The following ZSCAN20 variants were observed in gnomAD, a reference collection of about 807,000 sequenced individuals.
ZSCAN20 encodes the protein zinc finger and SCAN domain containing 20.
A neutral mutation model predicts 97.1 loss-of-function variants in ZSCAN20; 39 were observed. That is an observed-to-expected ratio of 0.40 (90% CI 0.31 to 0.52). ZSCAN20 has a LOEUF of 0.52. Among genes scored for constraint, ZSCAN20 ranks in the 20% least tolerant of loss-of-function variants. The pLI, the probability that ZSCAN20 is intolerant of heterozygous loss-of-function variation, is 0.49. For missense variants in ZSCAN20, 1,115 were observed against 1,290.4 expected (o/e 0.86, Z 2.08); for synonymous variants, 456 against 467.3 (o/e 0.98, Z 0.31).
rs1652969463 is a variant in ZSCAN20 at position 33,499,000 on chromosome 1, C to T, written c.*3524C>T. 6.6e-6 allele frequency among the ~76,000 whole-genome samples: 1 copy of T among 152,224 alleles called. No homozygotes were observed. Among genetic ancestry groups the T allele is most frequent in the Admixed American group, 6.5e-5 (1 of 15,282 alleles). On this transcript the variant is annotated 3_prime_UTR_variant, in exon 8 of 8. Coordinates refer to ENST00000684572, the MANE Select transcript of ZSCAN20 (RefSeq NM_001377376.1). ...GTCATGGCTGCCTTGGCCTTATTGT[C>T]CACTGTAGCCTCCTCCCAGAAGCCG... is the stretch of plus-strand genomic sequence containing the variant.
intron 1 of ZSCAN20, among the ~76,000 whole-genome samples, chr1:33,476,622 T>C (rs1302851535): frequency 1.3e-5 from 2 of 152,228 alleles, no homozygotes; most frequent in Non-Finnish European, 2.9e-5. Flanking sequence ...CCAAACAGGG[T>C]ATAGCTGGTA....
chr1:33,482,296 A>T (rs1652184974), intron 2 of ZSCAN20, among the ~76,000 whole-genome samples: 2 of 152,202 alleles, frequency 1.3e-5, no homozygotes, highest in South Asian at 4.1e-4. Flanking sequence ...GCCTTTTAAA[A>T]AATGTTACAT....
In ZSCAN20 at chr1:33,486,245, T is replaced by C. The variant is rs112662041; in HGVS notation, c.418-2220T>C. On this transcript the variant is annotated intron_variant, in intron 2 of 7. Coordinates refer to ENST00000684572, the MANE Select transcript of ZSCAN20 (RefSeq NM_001377376.1). ...CTCCTGGAGATAAAACTTACAAAAATGTGCCCCTGCTCAGTGATTAAGTGC... is the reference window on the plus strand; with the variant it reads ...CTCCTGGAGATAAAACTTACAAAAACGTGCCCCTGCTCAGTGATTAAGTGC... Among the ~76,000 whole-genome samples the C allele has an allele frequency of 3.9e-3, 595 of 152,296 alleles. 1 individual carries two copies. The highest frequency in any genetic ancestry group is 0.01 in the Middle Eastern group (3 of 294).
chr1:33,495,015 A>T lies in ZSCAN20; in HGVS notation c.2671A>T (p.Ile891Phe). ...AAGCTTCTCTAAGAGCTCTGCCCTC[A>T]TTAGTCACCAAAGAATCCATACGGG... ...GRSFSKSSAL[I>F]SHQRIHTGEK... The change falls in exon 8 of 8, where the codon ATT becomes TTT. Residue 891 changes from isoleucine to phenylalanine, a missense_variant. Coordinates refer to ENST00000684572, the MANE Select transcript of ZSCAN20 (RefSeq NM_001377376.1). 1 of 1,614,094 alleles carries T rather than the reference A, an allele frequency of 6.2e-7. No homozygotes were observed. The highest frequency in any genetic ancestry group is 2.2e-5 in the East Asian group (1 of 44,870).
At position 33,500,176 on chromosome 1, in the gene ZSCAN20, C is replaced by T. The variant is rs1363492815; in HGVS notation, c.*4700C>T. Among the ~76,000 whole-genome samples the T allele has an allele frequency of 1.3e-5, 2 of 152,206 alleles. No individual in the cohort carries two copies. The highest frequency in any genetic ancestry group is 2.9e-5 in the Non-Finnish European group (2 of 68,030). On this transcript the variant is annotated 3_prime_UTR_variant, in exon 8 of 8. Transcript: ENST00000684572. The stretch of plus-strand genomic sequence containing the variant: ...CCCTCTGACTTTCAGCAAGCCTGCA[C>T]TTACCTCCAAATAAATGCATGTTTT...
Position 33,477,198 on chromosome 1 carries a change from G to A in ZSCAN20, c.-110-1981G>A, listed in dbSNP as rs563143188. On this transcript the variant is annotated intron_variant, in intron 1 of 7. Transcript: ENST00000684572. ...CAAAGGAGGTGACATTTGAGCTGGT[G>A]GTTGAAGGATGAGTAGGAAGCTGCC... Among the ~76,000 whole-genome samples the A allele has an allele frequency of 7.9e-5, 12 of 152,260 alleles. No homozygotes were observed. In the South Asian group the frequency reaches 2.5e-3, roughly 32 times the overall value.
In ZSCAN20 at chr1:33,501,165, C is replaced by T. The variant is rs930649182; in HGVS notation, c.*5689C>T. Among the ~76,000 whole-genome samples, 1 of 152,222 alleles carries T rather than the reference C, an allele frequency of 6.6e-6. No individual in the cohort carries two copies. Among genetic ancestry groups the T allele is most frequent in the Middle Eastern group, 3.4e-3 (1 of 294 alleles). ...TTGTTCATGACCACGTATGAGGTCG[C>T]CAACCCAACCCTGTTCCTGAAGTTT... On this transcript the variant is annotated 3_prime_UTR_variant, in exon 8 of 8. Transcript: ENST00000684572.
chr1:33,484,190 G>A (rs1652266245), intron 2 of ZSCAN20, among the ~76,000 whole-genome samples: 1 of 151,966 alleles, frequency 6.6e-6, no homozygotes, highest in Non-Finnish European at 1.5e-5. Context: ...CGTACCTTTT[G>A]TTTCCTTTCT....
chr1:33,482,820 G>A (rs1432367983), intron 2 of ZSCAN20, among the ~76,000 whole-genome samples: 3 of 152,144 alleles, frequency 2.0e-5, no homozygotes, highest in Admixed American at 2.0e-4. Flanking sequence ...AACCTACCAT[G>A]TTATACATGT....
chr1:33,501,533 G>GTTAT lies in ZSCAN20; in HGVS notation c.*6060_*6063dup, dbSNP rs752216506. ...CTTTGCTTTCACTTCCCCATTTTCTGTTATTTTTTTTTTTTTTGTGCTGTT... is the reference window on the plus strand; with the variant it reads ...CTTTGCTTTCACTTCCCCATTTTCTGTTATTTATTTTTTTTTTTTTTGTGCTGTT... On this transcript the variant is annotated 3_prime_UTR_variant, in exon 8 of 8. Transcript: ENST00000684572. 1.2e-4 allele frequency among the ~76,000 whole-genome samples: 11 copies of GTTAT among 92,222 alleles called. No homozygotes were observed. Among genetic ancestry groups the GTTAT allele is most frequent in the Non-Finnish European group, 1.8e-4 (8 of 45,620 alleles). The allele number at this position is 92,222 out of a possible 152,430, so 60.5% of individuals were successfully genotyped here.
At chr1:33,484,676 C>T (rs1475504399) in intron 2 of ZSCAN20, among the ~76,000 whole-genome samples, 1 of 147,558 alleles carries the variant, frequency 6.8e-6, no homozygotes, top group East Asian at 2.0e-4. Context: ...GGCTGGAGTG[C>T]AGTGGCATGA....
At chr1:33,487,578 T>A (rs1022556674) in intron 2 of ZSCAN20, among the ~76,000 whole-genome samples, 2 of 152,150 alleles carry the variant, frequency 1.3e-5, no homozygotes, top group African/African-American at 4.8e-5. Flanking sequence ...TTAGAGTGCC[T>A]TGTCTTTTGC....
intron 2 of ZSCAN20, among the ~76,000 whole-genome samples, chr1:33,480,298 C>T (rs978349864): frequency 1.3e-5 from 2 of 152,098 alleles, no homozygotes; most frequent in African/African-American, 4.8e-5. Context: ...TGCTTGAGCT[C>T]AGGAGTTCAA....
Position 33,488,814 on chromosome 1 carries a change from A to G in ZSCAN20, c.604+163A>G, listed in dbSNP as rs1557441371. Among the ~76,000 whole-genome samples, 4 of 152,296 alleles carry G rather than the reference A, an allele frequency of 2.6e-5. 1 individual carries two copies. Among genetic ancestry groups the G allele is most frequent in the African/African-American group, 9.6e-5 (4 of 41,566 alleles). ...TGAGAAGTAAGCAAGCCTCGTAAAG[A>G]GGCTGTGCCTATCGATGATGTCATC... On this transcript the variant is annotated intron_variant, in intron 3 of 7. Transcript: ENST00000684572.
rs1170169749 is a variant in ZSCAN20 at position 33,472,686 on chromosome 1, C to T, written c.-116C>T. On this transcript the variant is annotated 5_prime_UTR_variant, in exon 1 of 8. Transcript: ENST00000684572. The stretch of plus-strand genomic sequence containing the variant: ...CCGCCCTGTTGTGAAGTGGGTGTCT[C>T]GGTGGGTGAGTCCGGGTGGCGGGGC... The T allele has an allele frequency of 1.3e-5, 2 of 151,774 alleles. No homozygotes were observed. Among genetic ancestry groups the T allele is most frequent in the African/African-American group, 4.9e-5 (2 of 41,218 alleles). 9.4% of individuals were successfully genotyped at this position (151,774 alleles called of 1,614,324 possible).
At chr1:33,480,059 C>A (rs1027327465) in intron 2 of ZSCAN20, among the ~76,000 whole-genome samples, 3 of 152,214 alleles carry the variant, frequency 2.0e-5, no homozygotes, top group Non-Finnish European at 2.9e-5. Flanking sequence ...AACCACTACT[C>A]CAAACTGCCT....
rs1218907317 is a variant in ZSCAN20 at position 33,500,152 on chromosome 1, C to CCT, written c.*4679_*4680dup. ...ATGTCTTTAGCATCATTTTGCCCTC[C>CCT]CTCTGACTTTCAGCAAGCCTGCACT... On this transcript the variant is annotated 3_prime_UTR_variant, in exon 8 of 8. Transcript: ENST00000684572. Among the ~76,000 whole-genome samples the CCT allele has an allele frequency of 1.3e-5, 2 of 152,150 alleles. No homozygotes were observed. The highest frequency in any genetic ancestry group is 4.1e-4 in the South Asian group (2 of 4,822).
Position 33,498,957 on chromosome 1 carries a change from T to C in ZSCAN20, c.*3481T>C, listed in dbSNP as rs1652967277. The stretch of plus-strand genomic sequence containing the variant: ...CTCGGTTTTTTCTAAGGCCTTGACC[T>C]CAGCAGCTGAACTCATGGTCATGGC... On this transcript the variant is annotated 3_prime_UTR_variant, in exon 8 of 8. Coordinates refer to ENST00000684572, the MANE Select transcript of ZSCAN20 (RefSeq NM_001377376.1). 6.6e-6 allele frequency among the ~76,000 whole-genome samples: 1 copy of C among 152,218 alleles called. No homozygotes were observed. The highest frequency in any genetic ancestry group is 1.5e-5 in the Non-Finnish European group (1 of 68,038).
chr1:33,490,649 A>AC (rs1652558433), intron 5 of ZSCAN20, among the ~76,000 whole-genome samples: 2 of 58,488 alleles, frequency 3.4e-5, no homozygotes, highest in South Asian at 6.2e-4. Context: ...CTACACACAC[A>AC]AACACACACA....
Sources: allele counts gnomAD v4.1 joint callset (sites outside exome capture counted in the v4.1 genomes callset), GRCh38; gene constraint gnomAD v4.1.1; transcripts MANE v1.5; gene names NCBI Gene and HGNC (gene_info 2026-07-23, HGNC 2026-07-21).